The following HDAC9 variants were observed in gnomAD, a reference collection of about 807,000 sequenced individuals.
HDAC9 encodes the protein histone deacetylase 9.
A neutral mutation model predicts 139.4 loss-of-function variants in HDAC9; 41 were observed. The observed-to-expected ratio is 0.29, with a 90% confidence interval of 0.23 to 0.38. The LOEUF (loss-of-function observed/expected upper bound fraction) is 0.38, where lower values mean the gene tolerates loss of function less well. Among genes scored for constraint, HDAC9 ranks in the 10% least tolerant of loss-of-function variants. The pLI is 1.00. For synonymous variants in HDAC9, 517 were observed against 476.2 expected (o/e 1.09, Z -1.12); for missense variants, 1,147 against 1,297.0 (o/e 0.88, Z 1.78).
At chr7:18,287,820 G>A (rs570049822), upstream of HDAC9, among the ~76,000 whole-genome samples, 14 of 152,202 alleles carry the variant, frequency 9.2e-5, no homozygotes, top group Non-Finnish European at 5.9e-5. Context: ...TCTGGATGCC[G>A]CAATGCTTGG....
intron 13 of HDAC9, among the ~76,000 whole-genome samples, chr7:18,740,273 C>T (rs1388372253): frequency 6.6e-6 from 1 of 152,200 alleles, no homozygotes; most frequent in African/African-American, 2.4e-5. Flanking sequence ...CCGTGGGCTG[C>T]ACCCACTCTC....
intron 1 of HDAC9, among the ~76,000 whole-genome samples, chr7:18,441,037 G>A (rs1019521540): frequency 1.3e-5 from 2 of 152,102 alleles, no homozygotes; most frequent in Non-Finnish European, 2.9e-5. Flanking sequence ...TGGAGAATTT[G>A]GCAATTCAAT....
chr7:18,847,407 A>G (rs1368538978), intron 21 of HDAC9, among the ~76,000 whole-genome samples: 1 of 152,098 alleles, frequency 6.6e-6, no homozygotes, highest in African/African-American at 2.4e-5. Context: ...ATGATTGCAC[A>G]TGATACACTG....
chr7:18,160,502 A>G (rs1787552750), intron 1 of HDAC9, among the ~76,000 whole-genome samples: 1 of 152,202 alleles, frequency 6.6e-6, no homozygotes, highest in Non-Finnish European at 1.5e-5. Context: ...GGGTGAGAGG[A>G]GAGAGTTACA....
intron 1 of HDAC9, among the ~76,000 whole-genome samples, chr7:18,443,406 C>T (rs1210683678): frequency 2.0e-5 from 3 of 152,108 alleles, no homozygotes; most frequent in Non-Finnish European, 4.4e-5. Context: ...AGATTGGAAA[C>T]TGGGTGTGTT....
At chr7:18,630,476 A>G (rs534365834) in intron 7 of HDAC9, among the ~76,000 whole-genome samples, 1 of 152,118 alleles carries the variant, frequency 6.6e-6, no homozygotes, top group Non-Finnish European at 1.5e-5. Context: ...AAGTGGTGGT[A>G]GAAACGTGTA....
At chr7:18,691,435 C>A (rs2588606) in intron 12 of HDAC9, among the ~76,000 whole-genome samples, 52,822 of 151,768 alleles carry the variant, frequency 0.35, 13,576 homozygotes, top group African/African-American at 0.7. Flanking sequence ...GAGGGACTTT[C>A]GTAAGCAGTA....
intron 21 of HDAC9, among the ~76,000 whole-genome samples, chr7:18,844,581 C>T (rs879769988): frequency 6.6e-6 from 1 of 152,118 alleles, no homozygotes; most frequent in African/African-American, 2.4e-5. Flanking sequence ...ATATTTTTAG[C>T]TGGTTCTTAA....
chr7:18,919,782 T>C (rs1803525806), intron 22 of HDAC9, among the ~76,000 whole-genome samples: 1 of 152,078 alleles, frequency 6.6e-6, no homozygotes, highest in Admixed American at 6.6e-5. Context: ...ATTTTTGTTT[T>C]GGTATGCTTA....
chr7:18,709,620 G>C (rs1584889954), intron 12 of HDAC9, among the ~76,000 whole-genome samples: 1 of 152,130 alleles, frequency 6.6e-6, no homozygotes, highest in Admixed American at 6.5e-5. Context: ...GATTGATTGG[G>C]AACTACAACA....
chr7:18,215,496 T>C (rs1439644655), intron 2 of HDAC9, among the ~76,000 whole-genome samples: 1 of 152,192 alleles, frequency 6.6e-6, no homozygotes, highest in Non-Finnish European at 1.5e-5. Context: ...CTAATGTGGG[T>C]AAATTGTTCC....
At chr7:18,409,757 A>G (rs796772493) in intron 1 of HDAC9, among the ~76,000 whole-genome samples, 52 of 152,324 alleles carry the variant, frequency 3.4e-4, no homozygotes, top group African/African-American at 1.2e-3. Flanking sequence ...GGAAAAAGTG[A>G]TAAGGGGATT....
intron 22 of HDAC9, among the ~76,000 whole-genome samples, chr7:18,921,973 C>A (rs553830421): frequency 6.7e-6 from 1 of 149,658 alleles, no homozygotes; most frequent in South Asian, 2.1e-4. Flanking sequence ...CAAACTCTCA[C>A]AAGGACAAAA....
At chr7:18,258,378 T>G (rs1795418030) in intron 2 of HDAC9, among the ~76,000 whole-genome samples, 1 of 152,198 alleles carries the variant, frequency 6.6e-6, no homozygotes, top group Non-Finnish European at 1.5e-5. Context: ...GGTGTTTGGT[T>G]AAACGAATAC....
intron 22 of HDAC9, among the ~76,000 whole-genome samples, chr7:18,926,926 G>T (rs920015265): frequency 3.9e-5 from 6 of 152,134 alleles, no homozygotes; most frequent in African/African-American, 1.4e-4. Context: ...TTATAGGGCT[G>T]CTTGGAATAA....
chr7:18,794,764 A>G (rs1398662583), intron 17 of HDAC9, among the ~76,000 whole-genome samples: 1 of 152,238 alleles, frequency 6.6e-6, no homozygotes, highest in Non-Finnish European at 1.5e-5. Context: ...CAATAAATTA[A>G]CACTTTAAAA....
At chr7:18,743,674 C>G (rs1038478271) in intron 13 of HDAC9, among the ~76,000 whole-genome samples, 2 of 148,210 alleles carry the variant, frequency 1.3e-5, no homozygotes, top group Admixed American at 1.3e-4. Context: ...AGAGTGAGAA[C>G]CTGTCTCTAA....
intron 23 of HDAC9, among the ~76,000 whole-genome samples, chr7:18,944,589 T>C (rs1166932377): frequency 6.6e-6 from 1 of 152,118 alleles, no homozygotes; most frequent in Non-Finnish European, 1.5e-5. Flanking sequence ...TACAGAAAAC[T>C]GCAAAACACA....
intron 2 of HDAC9, among the ~76,000 whole-genome samples, chr7:18,556,537 A>G (rs1317005164): frequency 1.3e-5 from 2 of 152,046 alleles, no homozygotes; most frequent in Non-Finnish European, 2.9e-5. Context: ...TTTACTATCT[A>G]AATAATGTCT....
Sources: allele counts gnomAD v4.1 joint callset (sites outside exome capture counted in the v4.1 genomes callset), GRCh38; gene constraint gnomAD v4.1.1; transcripts MANE v1.5; gene names NCBI Gene and HGNC (gene_info 2026-07-23, HGNC 2026-07-21).